The following CCDC158 variants were observed in gnomAD, a reference collection of about 807,000 sequenced individuals.
CCDC158 encodes coiled-coil domain containing 158, also known as coiled-coil domain-containing protein 158.
Under a neutral mutation model 138.6 loss-of-function variants are expected in CCDC158, and 116 were observed. The observed-to-expected ratio is 0.84, with a 90% CI of 0.72 to 0.98. The LOEUF is 0.98. CCDC158 is among the 50% of genes least tolerant of loss of function. CCDC158 has a pLI of 0.00. For synonymous variants in CCDC158, 436 were observed against 442.4 expected, an observed-to-expected ratio of 0.99 and a Z score of 0.18; for missense variants, 1,265 against 1,306.1, an observed-to-expected ratio of 0.97 and a Z score of 0.48.
chr4:76,388,525 T>C (rs761410639), intron 4 of CCDC158, among the ~76,000 whole-genome samples: 2 of 152,142 alleles, frequency 1.3e-5, no homozygotes, highest in Non-Finnish European at 2.9e-5. Flanking sequence ...GAGGAAAGAA[T>C]GGGACAGACT....
chr4:76,408,428 C>T (rs1729015311), intron 2 of CCDC158, among the ~76,000 whole-genome samples: 1 of 151,378 alleles, frequency 6.6e-6, no homozygotes. Context: ...TGAGTGAGAA[C>T]ATGCGGTGTT....
At chr4:76,355,661 T>C (rs545186370) in intron 14 of CCDC158, among the ~76,000 whole-genome samples, 5 of 152,138 alleles carry the variant, frequency 3.3e-5, no homozygotes, top group Non-Finnish European at 7.3e-5. Flanking sequence ...ATACATATAA[T>C]CATGTTTTGT....
chr4:76,397,296 G>A (rs1453102211), intron 3 of CCDC158, among the ~76,000 whole-genome samples: 2 of 151,968 alleles, frequency 1.3e-5, no homozygotes, highest in South Asian at 2.1e-4. Flanking sequence ...GAAACAGAGT[G>A]GTGCAGATAG....
At chr4:76,330,868 T>G (rs956485588) in intron 21 of CCDC158, among the ~76,000 whole-genome samples, 7 of 152,182 alleles carry the variant, frequency 4.6e-5, no homozygotes, top group Non-Finnish European at 1.0e-4. Flanking sequence ...AAGGGACAAC[T>G]GTGTTTAGAA....
chr4:76,354,439 G>C (rs930163252), intron 15 of CCDC158, among the ~76,000 whole-genome samples: 1 of 151,992 alleles, frequency 6.6e-6, no homozygotes, highest in African/African-American at 2.4e-5. Flanking sequence ...CAATTACTTT[G>C]GTTGCACTTA....
intron 4 of CCDC158, among the ~76,000 whole-genome samples, chr4:76,395,255 A>G (rs1232470463): frequency 6.6e-6 from 1 of 152,176 alleles, no homozygotes; most frequent in Non-Finnish European, 1.5e-5. Flanking sequence ...CTCCCCTCCC[A>G]GACTATGAAT....
Position 76,313,089 on chromosome 4 carries a change from A to G in CCDC158, c.*81T>C, listed in dbSNP as rs1459412013. ...TTATTAAATTTTCACATAAAAAGAA[A>G]AAGTACACAGGGCACTAATTACGAG... is the stretch of plus-strand genomic sequence containing the variant. On this transcript the variant is annotated 3_prime_UTR_variant, in exon 25 of 25. Transcript: ENST00000682701. The G allele has an allele frequency of 1.3e-6, 1 of 787,932 alleles. No homozygotes were observed. The highest frequency in any genetic ancestry group is 3.2e-5 in the Admixed American group (1 of 30,946). 48.8% of individuals were successfully genotyped at this position (787,932 alleles called of 1,614,324 possible). A position where few individuals can be genotyped will look rare whatever the true frequency, so the allele number is the denominator to read the frequency against.
At chr4:76,412,951 A>G (rs972157805) in intron 1 of CCDC158, among the ~76,000 whole-genome samples, 6 of 152,210 alleles carry the variant, frequency 3.9e-5, no homozygotes, top group African/African-American at 1.4e-4. Flanking sequence ...CTCCAGGTAC[A>G]GTCCAAACTG....
intron 18 of CCDC158, among the ~76,000 whole-genome samples, chr4:76,336,190 A>G (rs1282428112): frequency 6.7e-6 from 1 of 149,652 alleles, no homozygotes; most frequent in African/African-American, 2.4e-5. Context: ...TCAAAAAAAA[A>G]AAAAAAAAAA....
chr4:76,335,811 G>A (rs1227546476), intron 18 of CCDC158, among the ~76,000 whole-genome samples: 1 of 152,098 alleles, frequency 6.6e-6, no homozygotes, highest in South Asian at 2.1e-4. Context: ...GGACTCAGGC[G>A]ATCCACGCAT....
intron 3 of CCDC158, among the ~76,000 whole-genome samples, chr4:76,400,843 CA>C (rs1426040439): frequency 6.6e-6 from 1 of 151,936 alleles, no homozygotes; most frequent in Non-Finnish European, 1.5e-5. Flanking sequence ...TGTAAGAGTG[CA>C]AGAGAATAAT....
chr4:76,314,572 A>G (rs1327866440), intron 24 of CCDC158, among the ~76,000 whole-genome samples: 1 of 152,220 alleles, frequency 6.6e-6, no homozygotes, highest in African/African-American at 2.4e-5. Flanking sequence ...CAAAGTGTGG[A>G]GGGGGAAATC....
In CCDC158 at chr4:76,388,648, G is replaced by A. The variant is rs567353534; in HGVS notation, c.289-3983C>T. On this transcript the variant is annotated intron_variant, in intron 4 of 24. Transcript: ENST00000682701. ...GGACAGCATGTCCAGACATGCACAG[G>A]GCCTAGGGGATCTTATCACCCTGAA... 1.1e-4 allele frequency among the ~76,000 whole-genome samples: 16 copies of A among 152,188 alleles called. 1 individual carries two copies. Among genetic ancestry groups the A allele is most frequent in the Admixed American group, 4.6e-4 (7 of 15,284 alleles).
chr4:76,324,160 G>A (rs1041988157), intron 23 of CCDC158, among the ~76,000 whole-genome samples: 2 of 150,810 alleles, frequency 1.3e-5, no homozygotes, highest in Non-Finnish European at 3.0e-5. Context: ...AATTACTCCA[G>A]TTTAAGAGAA....
chr4:76,329,508 T>C (rs1476136444), intron 21 of CCDC158, among the ~76,000 whole-genome samples: 1 of 151,984 alleles, frequency 6.6e-6, no homozygotes, highest in Non-Finnish European at 1.5e-5. Context: ...GGCGTGAACC[T>C]AGGAGGCAGA....
chr4:76,324,612 C>A (rs1720354650), intron 23 of CCDC158, among the ~76,000 whole-genome samples: 1 of 152,090 alleles, frequency 6.6e-6, no homozygotes, highest in South Asian at 2.1e-4. Flanking sequence ...AAGTGTCAAG[C>A]AGCATTGCTC....
intron 1 of CCDC158, among the ~76,000 whole-genome samples, chr4:76,419,620 A>G (rs1729955480): frequency 6.6e-6 from 1 of 151,974 alleles, no homozygotes; most frequent in African/African-American, 2.4e-5. Flanking sequence ...TCACTCCAAT[A>G]TCTGCCTCTG....
At chr4:76,324,168 G>C (rs1269480082) in intron 23 of CCDC158, among the ~76,000 whole-genome samples, 2 of 151,448 alleles carry the variant, frequency 1.3e-5, no homozygotes, top group East Asian at 3.9e-4. Flanking sequence ...CAGTTTAAGA[G>C]AATGAGAAAC....
At chr4:76,418,764 G>T (rs574235359) in intron 1 of CCDC158, among the ~76,000 whole-genome samples, 4 of 152,124 alleles carry the variant, frequency 2.6e-5, no homozygotes. Context: ...CGCAACACAC[G>T]GGAATTGTGG....
Sources: gnomAD v4.1 joint callset for allele counts (sites outside exome capture counted in the v4.1 genomes callset) on GRCh38, gnomAD v4.1.1 for gene constraint, MANE v1.5 for transcripts, NCBI Gene and HGNC (gene_info 2026-07-23, HGNC 2026-07-21) for gene names.